The following ANK2 variants were observed in gnomAD, a reference collection of about 807,000 sequenced individuals.
ANK2 encodes ankyrin-2.
ANK2 carries 83 observed loss-of-function variants against 360.5 expected under a neutral mutation model. The observed-to-expected ratio is 0.23, with a 90% CI of 0.19 to 0.28. The LOEUF is 0.28. ANK2 is among the 10% of genes least tolerant of loss of function. The pLI, the probability that ANK2 is intolerant of heterozygous loss-of-function variation, is 1.00. For missense variants in ANK2, 4,201 were observed against 4,795.7 expected, an observed-to-expected ratio of 0.88 and a Z score of 3.66; for synonymous variants, 1,740 against 1,759.5, an observed-to-expected ratio of 0.99 and a Z score of 0.28.
Position 113,024,410 on chromosome 4 carries a change from T to C in ANK2, c.21+119896T>C, listed in dbSNP as rs557174479. On this transcript the variant is annotated intron_variant, in intron 2 of 30. Coordinates refer to the ANK2 transcript ENST00000503271. ...CTCTCTAGTTACTTAATTTGTCAAT[T>C]TGACTGAGAGAAACAAAAATTTTTA... Among the ~76,000 whole-genome samples, 251 of 152,312 alleles carry C rather than the reference T, an allele frequency of 1.6e-3. 2 individuals are homozygous for C. The highest frequency in any genetic ancestry group is 5.7e-3 in the African/African-American group (239 of 41,582).
At chr4:112,786,550 C>T in the ANK2 span, among the ~76,000 whole-genome samples, 1 of 151,600 alleles carries the variant, frequency 6.6e-6, no homozygotes, top group Admixed American at 6.6e-5. Flanking sequence ...GTGTGCACCA[C>T]CACACCCAGC....
intron 1 of ANK2, among the ~76,000 whole-genome samples, chr4:112,833,506 G>GTT (rs1372435883): frequency 6.4e-5 from 6 of 94,178 alleles, no homozygotes; most frequent in Admixed American, 5.1e-4. Context: ...AATGATTTAT[G>GTT]TATTTTTTTT....
intron 18 of ANK2, among the ~76,000 whole-genome samples, chr4:113,284,189 G>A (rs1272690525): frequency 6.6e-6 from 1 of 152,180 alleles, no homozygotes; most frequent in Non-Finnish European, 1.5e-5. Flanking sequence ...TGTATCAGAT[G>A]GACAATCATT....
intron 1 of ANK2, chr4:113,145,909 A>G (rs1479924966): frequency 1.6e-6 from 2 of 1,289,824 alleles, no homozygotes; most frequent in Non-Finnish European, 2.0e-6. Flanking sequence ...CATGCGGATA[A>G]GAGCATAAGA....
the ANK2 span, among the ~76,000 whole-genome samples, chr4:112,719,584 C>T: frequency 6.6e-6 from 1 of 151,858 alleles, no homozygotes; most frequent in East Asian, 1.9e-4. Flanking sequence ...AAAAATTAGC[C>T]AGGCGTTGTG....
the ANK2 span, among the ~76,000 whole-genome samples, chr4:112,811,886 T>A: frequency 6.6e-6 from 1 of 152,044 alleles, no homozygotes; most frequent in Non-Finnish European, 1.5e-5. Context: ...CCATCCTGGC[T>A]AACACGGTGA....
chr4:113,356,322 T>C lies in ANK2; in HGVS notation c.7704T>C (p.Cys2568=). 1 of 1,614,074 alleles carries C rather than the reference T, an allele frequency of 6.2e-7. No individual in the cohort carries two copies. Among genetic ancestry groups the C allele is most frequent in the Non-Finnish European group, 8.5e-7 (1 of 1,179,986 alleles). ...CAAAACCAGCTGTGATTCATGAATG[T>C]GCAGAGGAGGATGATTCAGAAAACG... The part of the protein sequence containing the change: ...STPKPAVIHE[C]AEEDDSENGE... The change falls in exon 38 of 46, where the codon TGT becomes TGC. Residue 2568 remains cysteine, a synonymous_variant. Coordinates refer to ENST00000357077, the MANE Select transcript of ANK2 (RefSeq NM_001148.6).
rs368546365 is a variant in ANK2, at chr4:113,354,644, G to T, written c.6026G>T (p.Gly2009Val). Residue 2009 changes from glycine to valine, a missense_variant, in exon 38 of 46, where the codon GGA becomes GTA. Gly to Val is a moderately radical substitution (Grantham distance 109). Around this residue, in one of 4 missense-constraint regions of ANK2, gnomAD observed 2,642 missense variants for 2,714.5 expected, o/e 0.97. Transcript: ENST00000357077. ...SGQDPSKHKT[G>V]LFEHKSAKQK... ...CAGGACCCTTCTAAACATAAAACTGGACTCTTTGAGCACAAATCAGCAAAA... is the reference window on the plus strand; with the variant it reads ...CAGGACCCTTCTAAACATAAAACTGTACTCTTTGAGCACAAATCAGCAAAA... The T allele has an allele frequency of 6.2e-7, 1 of 1,614,036 alleles. No homozygotes were observed.
the ANK2 span, among the ~76,000 whole-genome samples, chr4:112,711,702 C>T: frequency 4.7e-4 from 71 of 151,966 alleles, no homozygotes; most frequent in Middle Eastern, 3.4e-3. Flanking sequence ...CACCTGTAAT[C>T]CCAGCTACTT....
At chr4:112,885,622 C>T (rs1353999463) in intron 1 of ANK2, among the ~76,000 whole-genome samples, 1 of 151,204 alleles carries the variant, frequency 6.6e-6, no homozygotes, top group African/African-American at 2.4e-5. Context: ...TGGTGAAACC[C>T]CGTCTCTGCT....
At chr4:112,755,471 T>C in the ANK2 span, among the ~76,000 whole-genome samples, 2 of 152,184 alleles carry the variant, frequency 1.3e-5, no homozygotes, top group Non-Finnish European at 2.9e-5. Flanking sequence ...GGGATTATCA[T>C]TAGTTCTTAC....
the ANK2 span, among the ~76,000 whole-genome samples, chr4:112,730,179 G>A: frequency 3.4e-5 from 5 of 147,946 alleles, no homozygotes; most frequent in Non-Finnish European, 5.9e-5. Context: ...GCTTGAATCA[G>A]GGAGGCAAAG....
At chr4:113,103,265 T>C (rs753767052) in intron 1 of ANK2, among the ~76,000 whole-genome samples, 2 of 152,150 alleles carry the variant, frequency 1.3e-5, no homozygotes, top group Non-Finnish European at 2.9e-5. Context: ...GCTGATGTCA[T>C]GAGGACTTGA....
At chr4:113,199,641 T>C (rs1448521131) in intron 4 of ANK2, among the ~76,000 whole-genome samples, 1 of 152,158 alleles carries the variant, frequency 6.6e-6, no homozygotes, top group Non-Finnish European at 1.5e-5. Flanking sequence ...AATTATACTA[T>C]AAGCTTGATC....
intron 3 of ANK2, among the ~76,000 whole-genome samples, chr4:113,196,712 A>G (rs546601097): frequency 1.3e-4 from 20 of 152,084 alleles, no homozygotes; most frequent in South Asian, 4.2e-4. Context: ...AAATTTTTTT[A>G]GTATAAATGA....
intron 1 of ANK2, among the ~76,000 whole-genome samples, chr4:113,154,069 T>C (rs890042402): frequency 1.3e-5 from 2 of 152,276 alleles, no homozygotes; most frequent in African/African-American, 4.8e-5. Context: ...CAAAATTCTA[T>C]TTAGAGGCAA....
At chr4:112,764,722 T>C in the ANK2 span, among the ~76,000 whole-genome samples, 4 of 151,884 alleles carry the variant, frequency 2.6e-5, no homozygotes, top group East Asian at 7.7e-4. Flanking sequence ...TTTTTTTTTT[T>C]TTGAGACGGA....
chr4:112,875,954 C>T (rs2074970148), intron 1 of ANK2, among the ~76,000 whole-genome samples: 1 of 150,286 alleles, frequency 6.7e-6, no homozygotes, highest in African/African-American at 2.4e-5. Context: ...AAAGTCTCGC[C>T]ATGTTTTCCA....
intron 1 of ANK2, among the ~76,000 whole-genome samples, chr4:113,172,933 C>T (rs993151040): frequency 1.3e-5 from 2 of 152,120 alleles, no homozygotes; most frequent in East Asian, 1.9e-4. Flanking sequence ...CATTTAAAAA[C>T]GAGTCACAGT....
Sources: allele counts gnomAD v4.1 joint callset (sites outside exome capture counted in the v4.1 genomes callset), GRCh38; gene constraint gnomAD v4.1.1; regional missense constraint gnomAD v4.1.1; transcripts MANE v1.5; gene names NCBI Gene and HGNC (gene_info 2026-07-23, HGNC 2026-07-21).